Variants in SLC1A2 observed in about 807,000 individuals in gnomAD.
SLC1A2 encodes the protein solute carrier family 1 member 2.
Under a neutral mutation model 48.8 loss-of-function variants are expected in SLC1A2, and 15 were observed. The ratio of observed to expected loss-of-function variants is 0.31; its 90% CI spans 0.21 to 0.47. SLC1A2 has a LOEUF of 0.47. Ranked by LOEUF, SLC1A2 falls within the 20% of genes least tolerant of loss-of-function variation. The pLI is 0.99. For missense variants in SLC1A2, 502 were observed against 730.5 expected (o/e 0.69, Z 3.61); for synonymous variants, 279 against 272.6 (o/e 1.02, Z -0.23).
intron 1 of SLC1A2, among the ~76,000 whole-genome samples, chr11:35,346,441 T>G (rs187701270): frequency 1.3e-5 from 2 of 152,216 alleles, no homozygotes; most frequent in Admixed American, 6.5e-5. Flanking sequence ...TGCCTTTCAC[T>G]CAACTCGGGA....
intron 1 of SLC1A2, among the ~76,000 whole-genome samples, chr11:35,384,832 C>T (rs1854535851): frequency 6.6e-6 from 1 of 152,198 alleles, no homozygotes; most frequent in Non-Finnish European, 1.5e-5. Flanking sequence ...ATCAACCCCT[C>T]TAAAGCCTAG....
chr11:35,360,169 T>C (rs1463894645), intron 1 of SLC1A2: 1 of 756,586 alleles, frequency 1.3e-6, no homozygotes, highest in African/African-American at 1.9e-5. Flanking sequence ...ACCTACCCAG[T>C]GTTTTGATGA....
chr11:35,385,118 A>G (rs933962068), intron 1 of SLC1A2, among the ~76,000 whole-genome samples: 4 of 152,240 alleles, frequency 2.6e-5, no homozygotes, highest in Admixed American at 2.0e-4. Context: ...CCAGTGAGAC[A>G]GTGAAATAGA....
intron 5 of SLC1A2, among the ~76,000 whole-genome samples, chr11:35,305,500 A>G (rs1851475148): frequency 6.6e-6 from 1 of 152,076 alleles, no homozygotes; most frequent in African/African-American, 2.4e-5. Context: ...GAGCCCAAAA[A>G]CCTCTAGGAT....
intron 1 of SLC1A2, among the ~76,000 whole-genome samples, chr11:35,323,624 G>A (rs890344280): frequency 1.3e-5 from 2 of 152,150 alleles, no homozygotes; most frequent in Non-Finnish European, 2.9e-5. Context: ...AGGTACCCAC[G>A]ATGGAATAAG....
chr11:35,349,529 G>T (rs915233307), intron 1 of SLC1A2, among the ~76,000 whole-genome samples: 1 of 152,070 alleles, frequency 6.6e-6, no homozygotes, highest in Non-Finnish European at 1.5e-5. Flanking sequence ...ACTCCCTTCC[G>T]TTAGTGAGAA....
chr11:35,346,448 G>A (rs1214470105), intron 1 of SLC1A2, among the ~76,000 whole-genome samples: 3 of 152,158 alleles, frequency 2.0e-5, no homozygotes, highest in Non-Finnish European at 4.4e-5. Flanking sequence ...CACTCAACTC[G>A]GGATGTGCTG....
chr11:35,275,224 C>T (rs902660360), intron 9 of SLC1A2, among the ~76,000 whole-genome samples: 12 of 152,180 alleles, frequency 7.9e-5, no homozygotes, highest in Non-Finnish European at 7.4e-5. Context: ...TTCTAAGTGC[C>T]GTCTCAACTA....
chr11:35,348,106 C>T (rs1471151355), intron 1 of SLC1A2, among the ~76,000 whole-genome samples: 3 of 152,210 alleles, frequency 2.0e-5, no homozygotes, highest in Non-Finnish European at 4.4e-5. Flanking sequence ...ACACTATCCC[C>T]TCATTGCTCT....
At chr11:35,360,342 T>C (rs1555014602) in intron 1 of SLC1A2, among the ~76,000 whole-genome samples, 1 of 152,216 alleles carries the variant, frequency 6.6e-6, no homozygotes, top group Non-Finnish European at 1.5e-5. Context: ...ACCATGGCTG[T>C]TTCCCTCCCA....
chr11:35,357,746 C>T (rs933205870), intron 1 of SLC1A2, among the ~76,000 whole-genome samples: 1 of 152,072 alleles, frequency 6.6e-6, no homozygotes, highest in African/African-American at 2.4e-5. Context: ...TACATATTGT[C>T]CACACAATAT....
upstream of SLC1A2, among the ~76,000 whole-genome samples, chr11:35,420,224 G>T (rs1855749897): frequency 1.3e-5 from 2 of 151,002 alleles, no homozygotes; most frequent in Non-Finnish European, 3.0e-5. Context: ...GGTGAGTGGC[G>T]GGGGACGGTT....
At chr11:35,274,653 T>G (rs1380571876) in intron 9 of SLC1A2, among the ~76,000 whole-genome samples, 2 of 152,154 alleles carry the variant, frequency 1.3e-5, no homozygotes, top group African/African-American at 4.8e-5. Flanking sequence ...CCCAAGGATA[T>G]CTAGATCATC....
chr11:35,373,896 G>T (rs1854138152), intron 1 of SLC1A2, among the ~76,000 whole-genome samples: 1 of 152,198 alleles, frequency 6.6e-6, no homozygotes, highest in Non-Finnish European at 1.5e-5. Flanking sequence ...ACTCCATGCA[G>T]ATTACCTTAT....
chr11:35,308,715 G>A (rs1335354902), intron 4 of SLC1A2, among the ~76,000 whole-genome samples: 2 of 152,124 alleles, frequency 1.3e-5, no homozygotes, highest in Non-Finnish European at 2.9e-5. Context: ...TTGTTATAAT[G>A]GCAACTAAAT....
chr11:35,287,055 T>G, intron 7 of SLC1A2, 104 bp from the exon 8 acceptor site: 1 of 921,502 alleles, frequency 1.1e-6, no homozygotes, highest in South Asian at 1.6e-5. Context: ...TCTTGTTTTG[T>G]GTCAATCAAG....
In SLC1A2 at chr11:35,419,448, G is replaced by T. The variant is rs111885243; in HGVS notation, c.-482C>A. On this transcript the variant is annotated 5_prime_UTR_variant, in exon 1 of 11. Coordinates refer to ENST00000278379, the MANE Select transcript of SLC1A2 (RefSeq NM_004171.4). The surrounding 1 kb of genome is among the most constrained non-coding windows in gnomAD (Gnocchi z 5.4). ...CGCGCCTGGGGAGGCGGTGGAGGCC[G>T]CTGCGCTCTGGCTCGGCGCCGGCCA... 0.35 allele frequency: 59,836 copies of T among 173,380 alleles called. 11,435 individuals are homozygous for T. Among genetic ancestry groups the T allele is most frequent in the Middle Eastern group, 0.52 (200 of 386 alleles). The allele number at this position is 173,380 out of a possible 1,614,324, so 10.7% of individuals were successfully genotyped here.
At chr11:35,303,006 G>T (rs1253914530) in intron 5 of SLC1A2, among the ~76,000 whole-genome samples, 4 of 151,330 alleles carry the variant, frequency 2.6e-5, no homozygotes, top group African/African-American at 9.7e-5. Context: ...TGAAGTATGA[G>T]CCATCTTCTC....
chr11:35,364,031 G>A (rs1032648868), intron 1 of SLC1A2, among the ~76,000 whole-genome samples: 1 of 152,168 alleles, frequency 6.6e-6, no homozygotes, highest in Non-Finnish European at 1.5e-5. Flanking sequence ...GTTTTCCATT[G>A]CTGCCATCCC....
Sources: gnomAD v4.1 joint callset for allele counts (sites outside exome capture counted in the v4.1 genomes callset) on GRCh38, gnomAD v4.1.1 for gene constraint, Gnocchi (gnomAD v3.1) non-coding constraint, MANE v1.5 for transcripts, NCBI Gene and HGNC (gene_info 2026-07-23, HGNC 2026-07-21) for gene names.